CYP11B1: variants seen among roughly 807,000 people sequenced by gnomAD.
CYP11B1 encodes cytochrome P450 11B1, mitochondrial.
In CYP11B1, 34 loss-of-function variants were observed where a neutral mutation model predicts 48.3. The observed-to-expected ratio is 0.70, with a 90% confidence interval of 0.54 to 0.94. The LOEUF (loss-of-function observed/expected upper bound fraction) is 0.94. Among genes scored for constraint, CYP11B1 ranks in the 40% least tolerant of loss-of-function variants. The pLI is 0.00. For synonymous variants in CYP11B1, 291 were observed against 262.5 expected (o/e 1.11, Z -1.05); for missense variants, 688 against 657.4 (o/e 1.05, Z -0.51).
intron 1 of CYP11B1, 34 bp from the exon 2 acceptor site, chr8:142,879,221 G>T (rs769156529): frequency 1.2e-6 from 2 of 1,613,570 alleles, no homozygotes; most frequent in South Asian, 1.1e-5. Flanking sequence ...TGCTGGATGG[G>T]ACCATGTCCC....
In CYP11B1 at chr8:142,877,162, G is replaced by C. The variant is rs61751149; in HGVS notation, c.456C>G (p.Asn152Lys). The part of the protein sequence containing the change: ...LRLNPEVLSP[N>K]AVQRFLPMVD... ...CCATCGGGAGGAACCTCTGCACAGC[G>C]TTGGGCGACAGCACTTCTGGATTCA... Residue 152 changes from asparagine (N) to lysine (K), a missense_variant, in exon 3 of 9, where the codon AAC becomes AAG. Physicochemically the swap from Asn to Lys is moderately conservative, Grantham distance 94 (BLOSUM62 0). Coordinates refer to ENST00000292427, the MANE Select transcript of CYP11B1 (RefSeq NM_000497.4). 2.1e-4 allele frequency: 342 copies of C among 1,613,708 alleles called. 2 individuals are homozygous for C. In the African/African-American group the frequency reaches 2.2e-3, roughly 10 times the overall value.
rs1026458725 is a variant in CYP11B1, at chr8:142,875,825, C to G, written c.1008G>C (p.Val336=). The change falls in exon 6 of 9, where the codon GTG becomes GTC. Residue 336 remains valine (V), a synonymous_variant. Transcript: ENST00000292427. ...TLFELARNPN[V]QQALRQESLA... is the part of the protein sequence containing the mutation. Reference sequence around the variant, plus strand: ...GGCTCTCCTGGCGCAGGGCCTGCTGCACGTTGGGGTTCCGAGCCAGCTCAA... The same window carrying G: ...GGCTCTCCTGGCGCAGGGCCTGCTGGACGTTGGGGTTCCGAGCCAGCTCAA... 8 of 1,613,988 alleles carry G rather than the reference C, an allele frequency of 5.0e-6. No homozygotes were observed. The highest frequency in any genetic ancestry group is 6.8e-6 in the Non-Finnish European group (8 of 1,180,016).
intron 2 of CYP11B1, among the ~76,000 whole-genome samples, chr8:142,878,708 G>T (rs1817042607): frequency 6.6e-6 from 1 of 152,194 alleles, no homozygotes; most frequent in African/African-American, 2.4e-5. Context: ...TCAGTTTTCT[G>T]ACCTATGGGA....
rs901120220 is a variant in CYP11B1, at chr8:142,872,740, T to C, written c.*1633A>G. The C allele has an allele frequency of 6.6e-6, 1 of 152,186 alleles. No homozygotes were observed. Among genetic ancestry groups the C allele is most frequent in the Non-Finnish European group, 1.5e-5 (1 of 68,030 alleles). 9.4% of individuals were successfully genotyped at this position (152,186 alleles called of 1,614,324 possible). A position where few individuals can be genotyped will look rare whatever the true frequency, so the allele number is the denominator to read the frequency against. The stretch of plus-strand genomic sequence containing the variant: ...CAGAAGCAGAGTAGTTTAATCTGAA[T>C]TTTTGTGTCCGCCTCCAGAATTCAT... On this transcript the variant is annotated 3_prime_UTR_variant, in exon 9 of 9. Transcript: ENST00000292427.
chr8:142,876,486 A>C lies in CYP11B1; in HGVS notation c.800-91T>G. 4 of 1,541,470 alleles carry C rather than the reference A, an allele frequency of 2.6e-6. No individual in the cohort carries two copies. The South Asian group carries it at 4.8e-5, about 18-fold the overall frequency. On this transcript the variant is annotated intron_variant, in intron 4 of 8. Coordinates refer to ENST00000292427, the MANE Select transcript of CYP11B1 (RefSeq NM_000497.4). ...CCTGCCCAGACTGCCCCGACACCCAAGTCTCCCTGCTCTCATCCCAAATTC... is the reference window on the plus strand; with the variant it reads ...CCTGCCCAGACTGCCCCGACACCCACGTCTCCCTGCTCTCATCCCAAATTC...
chr8:142,879,252 C>G, intron 1 of CYP11B1, 65 bp from the exon 2 acceptor site: 1 of 1,611,940 alleles, frequency 6.2e-7, no homozygotes, highest in South Asian at 1.1e-5. Flanking sequence ...ACCCTGCAGT[C>G]CCAATCCAAA....
chr8:142,876,185 C>T (rs1816942018), intron 5 of CYP11B1, 56 bp downstream of exon 5: 1 of 1,612,396 alleles, frequency 6.2e-7, no homozygotes, highest in Non-Finnish European at 8.5e-7. Flanking sequence ...GCAGGCAGTG[C>T]CTGGGAGGCA....
intron 6 of CYP11B1, 98 bp downstream of exon 6, chr8:142,875,614 C>A: frequency 7.3e-7 from 1 of 1,375,930 alleles, no homozygotes; most frequent in South Asian, 1.2e-5. Context: ...TGCTGGGTGA[C>A]GCTGTTTATC....
chr8:142,875,228 A>G lies in CYP11B1; in HGVS notation c.1200+6T>C, dbSNP rs373191820. On this transcript the variant is annotated splice_donor_region_variant and intron_variant, in intron 7 of 8. Transcript: ENST00000292427. ...TCTCAGCTCGAGGGGTGTGGGGCTC[A>G]CTCACCCCAGCTGGGATGTGGTAGT... is the stretch of plus-strand genomic sequence containing the variant. The G allele has an allele frequency of 7.4e-6, 12 of 1,613,750 alleles. No homozygotes were observed. Among genetic ancestry groups the G allele is most frequent in the African/African-American group, 2.7e-5 (2 of 74,892 alleles).
Position 142,874,391 on chromosome 8 carries a change from G to A in CYP11B1, c.1494C>T (p.Thr498=), listed in dbSNP as rs1302544645. 7.4e-6 allele frequency: 12 copies of A among 1,613,444 alleles called. No individual in the cohort carries two copies. Among genetic ancestry groups the A allele is most frequent in the Admixed American group, 1.7e-5 (1 of 59,996 alleles). The change falls in exon 9 of 9, where the codon ACC becomes ACT. Residue 498 remains threonine (T), a synonymous_variant. Transcript: ENST00000292427. ...ILRPSMFPLL[T]FRAIN ...GACGTGATTAGTTGATGGCTCTGAA[G>A]GTGAGGAGGGGGAACATGCTGGGCC...
At position 142,879,108 on chromosome 8, in the gene CYP11B1, G is replaced by A. The variant is rs1483390563; in HGVS notation, c.319C>T (p.His107Tyr). 6.2e-7 allele frequency: 1 copy of A among 1,614,058 alleles called. No individual in the cohort carries two copies. Among genetic ancestry groups the A allele is most frequent in the Non-Finnish European group, 8.5e-7 (1 of 1,179,876 alleles). Residue 107 changes from histidine (H) to tyrosine (Y), a missense_variant, in exon 2 of 9, where the codon CAT becomes TAT. By Grantham distance (83) the His-to-Tyr change is moderately conservative. Coordinates refer to ENST00000292427, the MANE Select transcript of CYP11B1 (RefSeq NM_000497.4). ...VEKLQQVDSL[H>Y]PHRMSLEPWV... ...GGCTCCAGGCTCATCCTGTGGGGAT[G>A]CAGGCTGTCCACCTGTTGCAGCTTC... is the stretch of plus-strand genomic sequence containing the variant.
rs553481635 is a variant in CYP11B1, at chr8:142,876,333, T to C, written c.862A>G (p.Ser288Gly). 276 of 1,610,644 alleles carry C rather than the reference T, an allele frequency of 1.7e-4. No individual in the cohort carries two copies. In the African/African-American group the frequency reaches 3.4e-3, roughly 20 times the overall value. Residue 288 changes from serine to glycine, a missense_variant, in exon 5 of 9, where the codon AGC becomes GGC. Transcript: ENST00000292427. ...LAFSRPQQYT[S>G]IVAELLLNAE... ...TTCAACAGGAGCTCCGCCACGATGC[T>C]GGTGTACTGTTGAGGGCGGCTGAAG...
rs1308425165 is a variant in CYP11B1 at position 142,875,508 on chromosome 8, C to A, written c.1122-196G>T. ...GCAGCCCCGAGCGCAGAAGGACATG[C>A]TCCACGTTAATCCCCAGGGCGTTGA... On this transcript the variant is annotated intron_variant, in intron 6 of 8. Transcript: ENST00000292427. 6 of 952,740 alleles carry A rather than the reference C, an allele frequency of 6.3e-6. No individual in the cohort carries two copies. In the African/African-American group the frequency reaches 9.7e-5, roughly 15 times the overall value. 59.0% of individuals were successfully genotyped at this position (952,740 alleles called of 1,614,324 possible).
chr8:142,879,272 G>C (rs1817066808), intron 1 of CYP11B1, 85 bp from the exon 2 acceptor site: 1 of 1,609,696 alleles, frequency 6.2e-7, no homozygotes, highest in South Asian at 1.1e-5. Context: ...AGTGTCTCCT[G>C]TCCACCCTCC....
chr8:142,878,122 A>G (rs1817019894), intron 2 of CYP11B1, among the ~76,000 whole-genome samples: 2 of 152,170 alleles, frequency 1.3e-5, no homozygotes, highest in African/African-American at 4.8e-5. Context: ...AACACACAGC[A>G]TGTGCACAGA....
At position 142,872,453 on chromosome 8, in the gene CYP11B1, G is replaced by C. The variant is rs1314944516; in HGVS notation, c.*1920C>G. Reference sequence around the variant, plus strand: ...TCTTCTTTCCTGTTTCTCCTTTCTGGAATGGGAATGTTTATCCTATGCCTC... The same window carrying C: ...TCTTCTTTCCTGTTTCTCCTTTCTGCAATGGGAATGTTTATCCTATGCCTC... On this transcript the variant is annotated 3_prime_UTR_variant, in exon 9 of 9. Transcript: ENST00000292427. 2 of 152,214 alleles carry C rather than the reference G, an allele frequency of 1.3e-5. No homozygotes were observed. Among genetic ancestry groups the C allele is most frequent in the African/African-American group, 4.8e-5 (2 of 41,454 alleles). The allele number at this position is 152,214 out of a possible 1,614,324, so 9.4% of individuals were successfully genotyped here. A position where few individuals can be genotyped will look rare whatever the true frequency, so the allele number is the denominator to read the frequency against.
chr8:142,874,690 C>G, intron 8 of CYP11B1, among the ~76,000 whole-genome samples: 1 of 152,148 alleles, frequency 6.6e-6, no homozygotes, highest in South Asian at 2.1e-4. Context: ...CCCCACTATC[C>G]TGTACAGGCT....
chr8:142,879,168 C>T lies in CYP11B1; in HGVS notation c.259G>A (p.Gly87Ser). ...TCCGGCAGCATCACACACACCATGC[C>T]TGCTCCTCCCAAGTCGTACCTGTGG... ...PIFRYDLGGA[G>S]MVCVMLPEDV... Residue 87 changes from glycine (G) to serine (S), a missense_variant, in exon 2 of 9, where the codon GGC (glycine) becomes AGC (serine). Physicochemically the swap from Gly to Ser is moderately conservative, Grantham distance 56. Coordinates refer to ENST00000292427, the MANE Select transcript of CYP11B1 (RefSeq NM_000497.4). 1 of 1,613,934 alleles carries T rather than the reference C, an allele frequency of 6.2e-7. No individual in the cohort carries two copies. Among genetic ancestry groups the T allele is most frequent in the South Asian group, 1.1e-5 (1 of 91,070 alleles).
At chr8:142,874,816 G>T in intron 8 of CYP11B1, 141 bp downstream of exon 8, 1 of 1,079,568 alleles carries the variant, frequency 9.3e-7, no homozygotes, top group Non-Finnish European at 1.4e-6. Context: ...ACCTGGCCCA[G>T]GTTCTCCCAG....
Sources: allele counts gnomAD v4.1 joint callset (sites outside exome capture counted in the v4.1 genomes callset), GRCh38; gene constraint gnomAD v4.1.1; transcripts MANE v1.5; gene names NCBI Gene and HGNC (gene_info 2026-07-23, HGNC 2026-07-21).